The following MACROD2 variants were observed in gnomAD, a reference collection of about 807,000 sequenced individuals.
The protein encoded by MACROD2 is ADP-ribose glycohydrolase MACROD2.
A neutral mutation model predicts 70.4 loss-of-function variants in MACROD2; 36 were observed. That is an observed-to-expected ratio of 0.51 (90% CI 0.39 to 0.68). MACROD2 has a LOEUF of 0.68. MACROD2 is among the 30% of genes least tolerant of loss of function. The probability of loss-of-function intolerance (pLI) is 0.00; values close to 1 mark genes in which losing one functional copy is unlikely to be tolerated. For synonymous variants in MACROD2, 172 were observed against 178.8 expected (o/e 0.96, Z 0.30); for missense variants, 496 against 538.4 (o/e 0.92, Z 0.78).
chr20:14,619,972 A>T (rs545768904), intron 4 of MACROD2, among the ~76,000 whole-genome samples: 1 of 152,266 alleles, frequency 6.6e-6, no homozygotes, highest in South Asian at 2.1e-4. Flanking sequence ...CTGGCTTTTA[A>T]CACATATCTT....
intron 3 of MACROD2, among the ~76,000 whole-genome samples, chr20:14,304,450 TAGAC>T (rs1286389381): frequency 6.6e-6 from 1 of 152,234 alleles, no homozygotes; most frequent in African/African-American, 2.4e-5. Context: ...GAATATTTAG[TAGAC>T]ATACTGTGCC....
At position 14,890,985 on chromosome 20, in the gene MACROD2, TCCTTCCTC is replaced by T. The variant is rs1465370612; in HGVS notation, c.418+206030_418+206037del. On this transcript the variant is annotated intron_variant, in intron 5 of 17. Transcript: ENST00000684519. ...TTCCTTCCTTCCTTCCTTCCTTCCT[TCCTTCCTC>T]CCTCCCTCCCTCCCTTCCTACCTTC... Among the ~76,000 whole-genome samples the T allele has an allele frequency of 2.3e-4, 21 of 92,684 alleles. No individual in the cohort carries two copies. In the East Asian group the frequency reaches 2.8e-3, roughly 12 times the overall value. 60.8% of individuals were successfully genotyped at this position (92,684 alleles called of 152,430 possible).
At chr20:14,973,446 C>G (rs993076554) in intron 5 of MACROD2, among the ~76,000 whole-genome samples, 2 of 152,012 alleles carry the variant, frequency 1.3e-5, no homozygotes, top group Non-Finnish European at 2.9e-5. Flanking sequence ...TGGTCTCAAA[C>G]TCTCAACTTG....
intron 2 of MACROD2, among the ~76,000 whole-genome samples, chr20:14,011,657 T>C (rs1340862899): frequency 6.6e-6 from 1 of 151,886 alleles, no homozygotes; most frequent in African/African-American, 2.4e-5. Flanking sequence ...GCCTCCCGAC[T>C]AGCTGGGACT....
chr20:15,129,834 G>A (rs763176420), intron 5 of MACROD2, among the ~76,000 whole-genome samples: 118 of 152,164 alleles, frequency 7.8e-4, no homozygotes, highest in Non-Finnish European at 1.1e-3. Flanking sequence ...CTGCCTCCTG[G>A]TTGCTTTTGT....
chr20:16,003,823 A>G (rs1330220303), intron 15 of MACROD2, among the ~76,000 whole-genome samples: 1 of 152,092 alleles, frequency 6.6e-6, no homozygotes, highest in African/African-American at 2.4e-5. Context: ...GGCAAGCACC[A>G]CCACGCCCGG....
At chr20:14,589,794 A>C (rs187858481) in intron 4 of MACROD2, among the ~76,000 whole-genome samples, 1 of 152,174 alleles carries the variant, frequency 6.6e-6, no homozygotes, top group Non-Finnish European at 1.5e-5. Context: ...TCTAACCCCA[A>C]CCAGCTGGAA....
intron 12 of MACROD2, among the ~76,000 whole-genome samples, chr20:15,962,359 A>C (rs1388153635): frequency 6.6e-6 from 1 of 152,232 alleles, no homozygotes; most frequent in Non-Finnish European, 1.5e-5. Context: ...TCCTAGGTGC[A>C]GAAACTGAGA....
chr20:14,513,073 G>A (rs755464362), intron 4 of MACROD2, among the ~76,000 whole-genome samples: 3 of 152,108 alleles, frequency 2.0e-5, no homozygotes, highest in African/African-American at 7.2e-5. Context: ...AGCTTCCCAT[G>A]CTAGTTTTCT....
intron 3 of MACROD2, among the ~76,000 whole-genome samples, chr20:14,465,344 A>G (rs1317428955): frequency 1.3e-5 from 2 of 151,922 alleles, no homozygotes; most frequent in Non-Finnish European, 2.9e-5. Flanking sequence ...TTTGTCTGAG[A>G]CTAGGATTGC....
intron 8 of MACROD2, among the ~76,000 whole-genome samples, chr20:15,842,010 G>T (rs1368615104): frequency 6.6e-6 from 1 of 152,106 alleles, no homozygotes; most frequent in Non-Finnish European, 1.5e-5. Flanking sequence ...TGTTGGGCTT[G>T]GTTGGAAGAG....
At position 14,326,338 on chromosome 20, in the gene MACROD2, T is replaced by G; in HGVS notation, c.272-167141T>G. The G allele has an allele frequency of 1.2e-6, 2 of 1,613,928 alleles. No individual in the cohort carries two copies. Among genetic ancestry groups the G allele is most frequent in the East Asian group, 2.2e-5 (1 of 44,870 alleles). ...CTTAGTGAGCTTGGGGTTCTTAATA[T>G]CTGGCTGTTTGGTCACTGGAGCTGG... On this transcript the variant is annotated intron_variant, in intron 3 of 17. Coordinates refer to ENST00000684519, the MANE Select transcript of MACROD2 (RefSeq NM_001351661.2). This position sits in a 1 kb window ranked among gnomAD's most constrained non-coding sequence, Gnocchi z 5.5.
chr20:16,014,791 C>A (rs1233011028), intron 15 of MACROD2, among the ~76,000 whole-genome samples: 1 of 152,200 alleles, frequency 6.6e-6, no homozygotes, highest in African/African-American at 2.4e-5. Context: ...ACCCCGCTCT[C>A]ACCTCCCAAG....
chr20:15,268,872 G>GA lies in MACROD2; in HGVS notation c.540+38819dup, dbSNP rs200032990. 3.0e-3 allele frequency among the ~76,000 whole-genome samples: 449 copies of GA among 151,576 alleles called. 4 individuals are homozygous for GA. Among genetic ancestry groups the GA allele is most frequent in the African/African-American group, 9.5e-3 (392 of 41,346 alleles). Reference sequence around the variant, plus strand: ...GTCTCCACCCATGAACTCCCCACGGGAAAAAAAACAGTCTTCTCCCCAGAC... The same window carrying GA: ...GTCTCCACCCATGAACTCCCCACGGGAAAAAAAAACAGTCTTCTCCCCAGAC... On this transcript the variant is annotated intron_variant, in intron 6 of 17. Transcript: ENST00000684519.
chr20:15,481,803 T>C (rs962602944), intron 7 of MACROD2, among the ~76,000 whole-genome samples: 3 of 152,194 alleles, frequency 2.0e-5, no homozygotes, highest in Admixed American at 2.0e-4. Context: ...AAGGTGACTA[T>C]GCAGAAATAA....
At chr20:15,900,949 T>G (rs1385903561) in intron 10 of MACROD2, among the ~76,000 whole-genome samples, 1 of 152,128 alleles carries the variant, frequency 6.6e-6, no homozygotes, top group Non-Finnish European at 1.5e-5. Context: ...CCGGGCACAT[T>G]GAGTAGACAG....
rs1197836876 is a variant in MACROD2 at position 14,738,531 on chromosome 20, C to T, written c.418+53572C>T. ...TCATTGAAATGTAAGTGAGGGAGGGCTGGAACTGATTCTTCTCTGTCAGTG... is the reference window on the plus strand; with the variant it reads ...TCATTGAAATGTAAGTGAGGGAGGGTTGGAACTGATTCTTCTCTGTCAGTG... On this transcript the variant is annotated intron_variant, in intron 5 of 17. Coordinates refer to ENST00000684519, the MANE Select transcript of MACROD2 (RefSeq NM_001351661.2). 2.6e-5 allele frequency among the ~76,000 whole-genome samples: 4 copies of T among 152,104 alleles called. No individual in the cohort carries two copies. In the East Asian group the frequency reaches 7.7e-4, roughly 29 times the overall value.
intron 8 of MACROD2, among the ~76,000 whole-genome samples, chr20:15,571,049 A>G (rs184405461): frequency 2.0e-5 from 3 of 152,222 alleles, no homozygotes; most frequent in Admixed American, 2.0e-4. Context: ...CTGGCTTGGG[A>G]TACTATCTTC....
At chr20:15,236,762 G>A (rs1281417578) in intron 6 of MACROD2, among the ~76,000 whole-genome samples, 1 of 152,134 alleles carries the variant, frequency 6.6e-6, no homozygotes, top group African/African-American at 2.4e-5. Flanking sequence ...ACACTAACCT[G>A]CCATCTGTAG....
Sources: gnomAD v4.1 joint callset for allele counts (sites outside exome capture counted in the v4.1 genomes callset) on GRCh38, gnomAD v4.1.1 for gene constraint, Gnocchi (gnomAD v3.1) non-coding constraint, MANE v1.5 for transcripts, NCBI Gene and HGNC (gene_info 2026-07-23, HGNC 2026-07-21) for gene names.